Variants in RNF4 observed in about 807,000 individuals in gnomAD.
The protein encoded by RNF4 is ring finger protein 4, also known as E3 ubiquitin-protein ligase RNF4.
Under a neutral mutation model 24.3 loss-of-function variants are expected in RNF4, and 7 were observed. That is an observed-to-expected ratio of 0.29 (90% CI 0.16 to 0.54). RNF4 has a LOEUF of 0.54. Ranked by LOEUF, RNF4 falls within the 20% of genes least tolerant of loss-of-function variation. The pLI is 0.95. For missense variants in RNF4, 209 were observed against 248.5 expected (o/e 0.84, Z 1.07); for synonymous variants, 83 against 84.3 (o/e 0.98, Z 0.09).
intron 3 of RNF4, among the ~76,000 whole-genome samples, chr4:2,500,177 A>AG (rs377459636): frequency 6.8e-6 from 1 of 147,560 alleles, no homozygotes; most frequent in Non-Finnish European, 1.5e-5. Context: ...AAAAAAAAAA[A>AG]GAATTTGCCC....
chr4:2,485,001 G>T (rs545962052), intron 1 of RNF4, among the ~76,000 whole-genome samples: 2 of 152,078 alleles, frequency 1.3e-5, no homozygotes, highest in Admixed American at 1.3e-4. Flanking sequence ...GGAACCCTCG[G>T]CACCTTTGTT....
Position 2,511,939 on chromosome 4 carries a change from C to G in RNF4, c.205-17C>G. On this transcript the variant is annotated splice_polypyrimidine_tract_variant and intron_variant, in intron 4 of 7. Coordinates refer to ENST00000314289, the MANE Select transcript of RNF4 (RefSeq NM_002938.5). ...GATTGCTTCTTTCTCTTTTGTTTTTCTCCTTCTGTTTACAAGATTGTTGAC... is the reference window on the plus strand; with the variant it reads ...GATTGCTTCTTTCTCTTTTGTTTTTGTCCTTCTGTTTACAAGATTGTTGAC... 6.2e-7 allele frequency: 1 copy of G among 1,601,596 alleles called. No homozygotes were observed. Among genetic ancestry groups the G allele is most frequent in the Non-Finnish European group, 8.5e-7 (1 of 1,173,646 alleles).
chr4:2,510,989 T>C (rs1736255947), intron 4 of RNF4, among the ~76,000 whole-genome samples: 1 of 152,238 alleles, frequency 6.6e-6, no homozygotes, highest in Non-Finnish European at 1.5e-5. Context: ...AGCCTGCTTT[T>C]CTCTGTTAGT....
intron 2 of RNF4, among the ~76,000 whole-genome samples, chr4:2,494,257 A>G (rs948923138): frequency 1.3e-5 from 2 of 152,166 alleles, no homozygotes; most frequent in African/African-American, 4.8e-5. Flanking sequence ...ACATTGAATA[A>G]AGGAGACAGG....
intron 1 of RNF4, among the ~76,000 whole-genome samples, chr4:2,477,380 T>A (rs1462121405): frequency 6.6e-6 from 1 of 151,320 alleles, no homozygotes; most frequent in Non-Finnish European, 1.5e-5. Context: ...AGGTTAGGAG[T>A]TCAAGATGAG....
chr4:2,475,035 GAA>G (rs1735026063), intron 1 of RNF4, among the ~76,000 whole-genome samples: 1 of 152,008 alleles, frequency 6.6e-6, no homozygotes, highest in Non-Finnish European at 1.5e-5. Context: ...CTCAAAAAAA[GAA>G]AAAGAAAAAC....
At position 2,469,187 on chromosome 4, in the gene RNF4, G is replaced by T. The variant is rs1049542479; in HGVS notation, c.-229G>T. On this transcript the variant is annotated 5_prime_UTR_variant, in exon 1 of 8. Transcript: ENST00000314289. ...CGGCTGAAGAAGGAGCTTCTTCTCC[G>T]GAGTGCGCCGGCGGTGGCGCCTGCG... The T allele has an allele frequency of 2.0e-5, 3 of 152,242 alleles. No homozygotes were observed. The highest frequency in any genetic ancestry group is 7.2e-5 in the African/African-American group (3 of 41,452). The allele number at this position is 152,242 out of a possible 1,614,324, so 9.4% of individuals were successfully genotyped here.
At chr4:2,500,198 G>A (rs1578517984) in intron 3 of RNF4, among the ~76,000 whole-genome samples, 1 of 149,820 alleles carries the variant, frequency 6.7e-6, no homozygotes, top group African/African-American at 2.5e-5. Context: ...TAGATTAACC[G>A]ATGAAGTTAC....
chr4:2,503,658 C>T (rs80272890), intron 4 of RNF4, among the ~76,000 whole-genome samples: 1,651 of 152,270 alleles, frequency 0.011, 17 homozygotes, highest in Non-Finnish European at 0.019. Context: ...TGGAATTCTG[C>T]CTCTGAGCAG....
chr4:2,509,852 T>C (rs913061088), intron 4 of RNF4, among the ~76,000 whole-genome samples: 7 of 151,988 alleles, frequency 4.6e-5, no homozygotes, highest in African/African-American at 1.7e-4. Flanking sequence ...TGGCAGAGGG[T>C]GGGGGCATGT....
Position 2,512,978 on chromosome 4 carries a change from G to A in RNF4, c.375-105G>A. 1 of 1,112,802 alleles carries A rather than the reference G, an allele frequency of 9.0e-7. No individual in the cohort carries two copies. Among genetic ancestry groups the A allele is most frequent in the Non-Finnish European group, 1.4e-6 (1 of 731,602 alleles). The allele number at this position is 1,112,802 out of a possible 1,614,324, so 68.9% of individuals were successfully genotyped here. A position where few individuals can be genotyped will look rare whatever the true frequency, so the allele number is the denominator to read the frequency against. ...TGCCCGCGCTAAGGCAGAGTCAGGAGGCCAGGGACGGGACTCTTGTAGGGG... is the reference window on the plus strand; with the variant it reads ...TGCCCGCGCTAAGGCAGAGTCAGGAAGCCAGGGACGGGACTCTTGTAGGGG... On this transcript the variant is annotated intron_variant, in intron 6 of 7. Coordinates refer to ENST00000314289, the MANE Select transcript of RNF4 (RefSeq NM_002938.5). The surrounding 1 kb of genome is among the most constrained non-coding windows in gnomAD (Gnocchi z 4.1).
At chr4:2,507,011 CTGTT>C (rs1380728532) in intron 4 of RNF4, among the ~76,000 whole-genome samples, 3 of 152,118 alleles carry the variant, frequency 2.0e-5, no homozygotes, top group Non-Finnish European at 2.9e-5. Flanking sequence ...GTTACTTAGG[CTGTT>C]TTTCTTAAAT....
At chr4:2,471,754 C>T (rs1420388605) in intron 1 of RNF4, among the ~76,000 whole-genome samples, 1 of 152,226 alleles carries the variant, frequency 6.6e-6, no homozygotes, top group Admixed American at 6.5e-5. Context: ...CCATCCATGA[C>T]ATTCCCTTAA....
At chr4:2,473,793 A>C (rs1299347306) in intron 1 of RNF4, among the ~76,000 whole-genome samples, 1 of 152,048 alleles carries the variant, frequency 6.6e-6, no homozygotes, top group Non-Finnish European at 1.5e-5. Context: ...CCTGGGCGAC[A>C]GAGCGAGACT....
intron 1 of RNF4, among the ~76,000 whole-genome samples, chr4:2,486,943 A>G (rs764293362): frequency 2.6e-5 from 4 of 152,156 alleles, no homozygotes; most frequent in African/African-American, 4.8e-5. Context: ...ACATTCGTGG[A>G]TATGAGAACC....
rs1239316710 is a variant in RNF4 at position 2,512,569 on chromosome 4, G to T, written c.346G>T (p.Ala116Ser). ...VYVTTHTPRN[A>S]RDEGATGLRP... Reference sequence around the variant, plus strand: ...TGTGACTACCCATACTCCCAGAAACGCCAGGGATGAGGGCGCTACAGGCCT... The same window carrying T: ...TGTGACTACCCATACTCCCAGAAACTCCAGGGATGAGGGCGCTACAGGCCT... Residue 116 changes from alanine (A) to serine (S), a missense_variant, in exon 6 of 8, where the codon GCC becomes TCC. Transcript: ENST00000314289. The surrounding 1 kb of genome is among the most constrained non-coding windows in gnomAD (Gnocchi z 4.1). The T allele has an allele frequency of 1.2e-6, 2 of 1,613,848 alleles. No individual in the cohort carries two copies. The highest frequency in any genetic ancestry group is 8.5e-7 in the Non-Finnish European group (1 of 1,179,802).
intron 4 of RNF4, among the ~76,000 whole-genome samples, chr4:2,506,635 A>G (rs536780956): frequency 4.7e-5 from 7 of 149,760 alleles, no homozygotes; most frequent in Non-Finnish European, 1.0e-4. Flanking sequence ...TGGTGCCATC[A>G]CGGCTCACTG....
chr4:2,492,553 C>G (rs1735613867), intron 2 of RNF4, among the ~76,000 whole-genome samples: 1 of 152,214 alleles, frequency 6.6e-6, no homozygotes, highest in African/African-American at 2.4e-5. Context: ...GTGAAATAGC[C>G]TGCTGATTTC....
chr4:2,506,909 C>G (rs2108776026), intron 4 of RNF4, among the ~76,000 whole-genome samples: 1 of 152,268 alleles, frequency 6.6e-6, no homozygotes, highest in Non-Finnish European at 1.5e-5. Flanking sequence ...ATGCCAGTCT[C>G]TGCTCTGGCT....
Sources: gnomAD v4.1 joint callset for allele counts (sites outside exome capture counted in the v4.1 genomes callset) on GRCh38, gnomAD v4.1.1 for gene constraint, Gnocchi (gnomAD v3.1) non-coding constraint, MANE v1.5 for transcripts, NCBI Gene and HGNC (gene_info 2026-07-23, HGNC 2026-07-21) for gene names.